The following RSPRY1 variants were observed in gnomAD, a reference collection of about 807,000 sequenced individuals.
RSPRY1 encodes ring finger and SPRY domain containing 1.
RSPRY1 carries 23 observed loss-of-function variants against 73.1 expected under a neutral mutation model. The ratio of observed to expected loss-of-function variants is 0.31; its 90% CI spans 0.23 to 0.45. The LOEUF (loss-of-function observed/expected upper bound fraction) is 0.45, where lower values mean the gene tolerates loss of function less well. Ranked by LOEUF, RSPRY1 falls within the 20% of genes least tolerant of loss-of-function variation. The pLI, the probability that RSPRY1 is intolerant of heterozygous loss-of-function variation, is 1.00. For missense variants in RSPRY1, 448 were observed against 698.7 expected (o/e 0.64, Z 4.05); for synonymous variants, 226 against 251.4 (o/e 0.90, Z 0.95).
chr16:57,202,712 C>G (rs1567491663), intron 1 of RSPRY1, among the ~76,000 whole-genome samples: 1 of 152,232 alleles, frequency 6.6e-6, no homozygotes, highest in East Asian at 1.9e-4. Context: ...CCAAGAACAT[C>G]TGTGGTATCA....
chr16:57,223,538 G>A (rs1394786282), intron 10 of RSPRY1, among the ~76,000 whole-genome samples: 5 of 152,194 alleles, frequency 3.3e-5, no homozygotes, highest in African/African-American at 1.2e-4. Flanking sequence ...CCAGCACTTT[G>A]GGAGGCTGAG....
chr16:57,186,286 A>T, upstream of RSPRY1: 1 of 421,798 alleles, frequency 2.4e-6, no homozygotes, highest in Non-Finnish European at 3.2e-6. Flanking sequence ...GGCGTTTCCT[A>T]GGGGACTGAG....
chr16:57,205,050 T>G (rs1335891892), intron 2 of RSPRY1, 42 bp downstream of exon 2: 36 of 1,486,344 alleles, frequency 2.4e-5, no homozygotes, highest in Non-Finnish European at 3.1e-5. Flanking sequence ...GAATGAAAAG[T>G]GTTCTGCCCG....
chr16:57,187,647 C>G (rs961482457), intron 1 of RSPRY1, among the ~76,000 whole-genome samples: 1 of 152,164 alleles, frequency 6.6e-6, no homozygotes, highest in African/African-American at 2.4e-5. Flanking sequence ...AAAGTGAAGG[C>G]ACTTTCTAAA....
At chr16:57,194,016 G>A (rs1318942676) in intron 1 of RSPRY1, among the ~76,000 whole-genome samples, 4 of 151,720 alleles carry the variant, frequency 2.6e-5, no homozygotes, top group African/African-American at 9.7e-5. Context: ...TGGTAAACTG[G>A]GATCACACCA....
intron 1 of RSPRY1, among the ~76,000 whole-genome samples, chr16:57,195,582 T>C (rs1163288600): frequency 1.8e-4 from 28 of 151,894 alleles, no homozygotes; most frequent in African/African-American, 6.8e-4. Flanking sequence ...AGAGTCCTTC[T>C]ACTAAGCACT....
rs202149086 is a variant in RSPRY1, at chr16:57,212,977, A to T, written c.522A>T (p.Ala174=). The change falls in exon 5 of 15, where the codon GCA becomes GCT. Residue 174 remains alanine, a synonymous_variant. Transcript: ENST00000394420. Reference sequence around the variant, plus strand: ...CTTGTACTTTTTTGTTTTAGGATGCACTCCAGAAATTGACTGAAATTCTCA... The same window carrying T: ...CTTGTACTTTTTTGTTTTAGGATGCTCTCCAGAAATTGACTGAAATTCTCA... The part of the protein sequence containing the change: ...LDECPLPTKD[A]LQKLTEILNL... The T allele has an allele frequency of 6.2e-7, 1 of 1,613,698 alleles. No individual in the cohort carries two copies. Among genetic ancestry groups the T allele is most frequent in the South Asian group, 1.1e-5 (1 of 91,072 alleles).
At chr16:57,201,222 G>T (rs1597868559) in intron 1 of RSPRY1, among the ~76,000 whole-genome samples, 1 of 151,474 alleles carries the variant, frequency 6.6e-6, no homozygotes, top group Non-Finnish European at 1.5e-5. Flanking sequence ...CCGGGCGGAG[G>T]GGCTCCTCAC....
chr16:57,195,284 G>C (rs2074419366), intron 1 of RSPRY1, among the ~76,000 whole-genome samples: 1 of 152,098 alleles, frequency 6.6e-6, no homozygotes, highest in African/African-American at 2.4e-5. Flanking sequence ...GGCCGAGGTG[G>C]GCAGATCACC....
intron 14 of RSPRY1, 80 bp from the exon 15 acceptor site, chr16:57,238,799 T>C: frequency 1.5e-6 from 1 of 685,134 alleles, no homozygotes; most frequent in Non-Finnish European, 2.4e-6. Context: ...CTTGTTAACA[T>C]TTTTGATTTA....
chr16:57,208,751 C>T (rs2074778784), intron 3 of RSPRY1, among the ~76,000 whole-genome samples: 2 of 152,042 alleles, frequency 1.3e-5, no homozygotes, highest in Non-Finnish European at 2.9e-5. Context: ...AAAACAAAGC[C>T]AACTGCTGAG....
chr16:57,204,521 C>T lies in RSPRY1; in HGVS notation c.-138C>T. The T allele has an allele frequency of 2.7e-6, 2 of 733,880 alleles. No individual in the cohort carries two copies. Among genetic ancestry groups the T allele is most frequent in the South Asian group, 1.8e-5 (1 of 54,750 alleles). 45.5% of individuals were successfully genotyped at this position (733,880 alleles called of 1,614,324 possible). A position where few individuals can be genotyped will look rare whatever the true frequency, so the allele number is the denominator to read the frequency against. ...TCTTTTAGAACTGCCATTGGATGTC[C>T]AGAATCCCCTGTAGTTGATAATGTT... On this transcript the variant is annotated 5_prime_UTR_variant, in exon 2 of 15. It introduces an in-frame stop codon into an upstream open reading frame of the 5' UTR. Coordinates refer to ENST00000394420, the MANE Select transcript of RSPRY1 (RefSeq NM_133368.3).
intron 1 of RSPRY1, among the ~76,000 whole-genome samples, chr16:57,193,545 G>T (rs762173268): frequency 3.3e-5 from 5 of 151,182 alleles, no homozygotes; most frequent in Non-Finnish European, 7.4e-5. Flanking sequence ...CAGGCTTGAG[G>T]GTAGTGGGAT....
intron 1 of RSPRY1, among the ~76,000 whole-genome samples, chr16:57,194,753 C>A (rs541201633): frequency 1.3e-5 from 2 of 152,122 alleles, no homozygotes; most frequent in Non-Finnish European, 2.9e-5. Flanking sequence ...AGAAAGTGTT[C>A]TTTCTCACTG....
intron 2 of RSPRY1, among the ~76,000 whole-genome samples, chr16:57,205,893 T>G (rs1012360113): frequency 6.6e-6 from 1 of 152,238 alleles, no homozygotes; most frequent in Non-Finnish European, 1.5e-5. Flanking sequence ...GATGGTAGTA[T>G]TTTTTAAAAA....
rs759360298 is a variant in RSPRY1, at chr16:57,235,233, G to A, written c.1634+5G>A. On this transcript the variant is annotated splice_donor_5th_base_variant and intron_variant, in intron 14 of 14. Transcript: ENST00000394420. ...ATTGAAGCCATGTGGACACAGGTAAGAGGATTTATATTAGGCAAAGTTTCA... is the reference window on the plus strand; with the variant it reads ...ATTGAAGCCATGTGGACACAGGTAAAAGGATTTATATTAGGCAAAGTTTCA... The A allele has an allele frequency of 1.2e-6, 2 of 1,601,104 alleles. No individual in the cohort carries two copies. The highest frequency in any genetic ancestry group is 1.7e-5 in the Admixed American group (1 of 59,982).
At chr16:57,228,397 T>G (rs1371090035) in intron 11 of RSPRY1, among the ~76,000 whole-genome samples, 1 of 152,006 alleles carries the variant, frequency 6.6e-6, no homozygotes, top group Non-Finnish European at 1.5e-5. Flanking sequence ...CTCATTTTAA[T>G]GGCTTGCAGG....
chr16:57,207,258 A>G (rs17313981), intron 2 of RSPRY1, among the ~76,000 whole-genome samples: 53,842 of 152,070 alleles, frequency 0.35, 10,116 homozygotes, highest in South Asian at 0.51. Context: ...TGAAATGACC[A>G]TACTAATTCC....
chr16:57,186,506 G>A (rs1354377144), intron 1 of RSPRY1, 55 bp downstream of exon 1: 2 of 153,082 alleles, frequency 1.3e-5, no homozygotes, highest in African/African-American at 4.8e-5. Context: ...CGGAACGGGA[G>A]GGAGTCTGAG....
Sources: gnomAD v4.1 joint callset for allele counts (sites outside exome capture counted in the v4.1 genomes callset) on GRCh38, gnomAD v4.1.1 for gene constraint, MANE v1.5 for transcripts, NCBI Gene and HGNC (gene_info 2026-07-23, HGNC 2026-07-21) for gene names.